Variants in ERBB4 observed in about 807,000 individuals in gnomAD.
ERBB4 encodes the protein receptor tyrosine-protein kinase erbB-4.
A neutral mutation model predicts 158.0 loss-of-function variants in ERBB4; 42 were observed. The observed-to-expected ratio is 0.27, with a 90% CI of 0.21 to 0.34. The LOEUF is 0.34. Ranked by LOEUF, ERBB4 falls within the 10% of genes least tolerant of loss-of-function variation. The pLI, the probability that ERBB4 is intolerant of heterozygous loss-of-function variation, is 1.00. For missense variants in ERBB4, 1,333 were observed against 1,624.1 expected, an observed-to-expected ratio of 0.82 and a Z score of 3.08; for synonymous variants, 583 against 558.7, an observed-to-expected ratio of 1.04 and a Z score of -0.61.
chr2:212,237,174 TC>T (rs1183611414), intron 1 of ERBB4, among the ~76,000 whole-genome samples: 3 of 152,220 alleles, frequency 2.0e-5, no homozygotes, highest in Non-Finnish European at 4.4e-5. Flanking sequence ...TTTGGAATTT[TC>T]AGCCTTTCTG....
At position 211,380,366 on chromosome 2, in the gene ERBB4, T is replaced by TGAAAATAGGATC. The variant is rs1553517740; in HGVS notation, c.*3248_*3249insGATCCTATTTTC. Reference sequence around the variant, plus strand: ...TTTAACTGCAAAATTTTTCCATACCTGCCCAAAATAGGTATAATCTACAAA... The same window carrying TGAAAATAGGATC: ...TTTAACTGCAAAATTTTTCCATACCTGAAAATAGGATCGCCCAAAATAGGTATAATCTACAAA... On this transcript the variant is annotated 3_prime_UTR_variant, in exon 28 of 28. Coordinates refer to ENST00000342788, the MANE Select transcript of ERBB4 (RefSeq NM_005235.3). The TGAAAATAGGATC allele has an allele frequency of 3.7e-5, 4 of 108,076 alleles. No individual in the cohort carries two copies. The highest frequency in any genetic ancestry group is 6.8e-5 in the Non-Finnish European group (4 of 58,608). 6.7% of individuals were successfully genotyped at this position (108,076 alleles called of 1,614,324 possible).
chr2:212,446,053 T>C (rs1360781614), intron 1 of ERBB4, among the ~76,000 whole-genome samples: 1 of 152,210 alleles, frequency 6.6e-6, no homozygotes, highest in African/African-American at 2.4e-5. Context: ...TATGTAATAG[T>C]ATTTGAGTTG....
intron 1 of ERBB4, among the ~76,000 whole-genome samples, chr2:212,146,179 A>T (rs1013195808): frequency 6.6e-6 from 1 of 152,170 alleles, no homozygotes; most frequent in African/African-American, 2.4e-5. Flanking sequence ...AGCTGAGGTA[A>T]TGAATTAAAT....
In ERBB4 at chr2:212,221,470, A is replaced by G. The variant is rs567774736; in HGVS notation, c.83-96567T>C. Among the ~76,000 whole-genome samples, 6 of 151,662 alleles carry G rather than the reference A, an allele frequency of 4.0e-5. No homozygotes were observed. The South Asian group carries it at 1.2e-3, about 31-fold the overall frequency. On this transcript the variant is annotated intron_variant, in intron 1 of 27. Coordinates refer to ENST00000342788, the MANE Select transcript of ERBB4 (RefSeq NM_005235.3). ...GTCACCTAATGGTATGGCAGCAGTC[A>G]GGTTTGGGAATACAGACATCTCACT... is the stretch of plus-strand genomic sequence containing the variant.
At chr2:211,816,219 A>ACT in intron 3 of ERBB4, among the ~76,000 whole-genome samples, 8 of 152,162 alleles carry the variant, frequency 5.3e-5, no homozygotes, top group African/African-American at 1.7e-4. Flanking sequence ...AAGTATATTT[A>ACT]GCTGTTAATA....
chr2:211,543,890 T>C (rs963552136), intron 20 of ERBB4, among the ~76,000 whole-genome samples: 1 of 151,960 alleles, frequency 6.6e-6, no homozygotes, highest in Non-Finnish European at 1.5e-5. Flanking sequence ...ACTACCTCTA[T>C]CTCAATGATT....
chr2:211,533,113 T>A (rs906822111), intron 20 of ERBB4, among the ~76,000 whole-genome samples: 2 of 151,902 alleles, frequency 1.3e-5, no homozygotes. Flanking sequence ...TCATTTTGTA[T>A]GTTACATGAT....
intron 17 of ERBB4, among the ~76,000 whole-genome samples, chr2:211,629,778 C>G (rs6758337): frequency 0.16 from 24,889 of 151,386 alleles, 2,787 homozygotes; most frequent in East Asian, 0.54. Context: ...ACAAACCTGA[C>G]AAAAACAAGA....
At chr2:211,716,867 T>C (rs923453858) in intron 7 of ERBB4, among the ~76,000 whole-genome samples, 2 of 151,158 alleles carry the variant, frequency 1.3e-5, no homozygotes, top group South Asian at 2.1e-4. Context: ...TAGTTTGAGA[T>C]ACACAAACTA....
At chr2:211,598,787 T>A (rs1463326894) in intron 19 of ERBB4, among the ~76,000 whole-genome samples, 2 of 152,238 alleles carry the variant, frequency 1.3e-5, no homozygotes, top group African/African-American at 2.4e-5. Context: ...GTACACCATG[T>A]ACTAGGAAAA....
chr2:211,756,306 G>T (rs533953873), intron 4 of ERBB4, among the ~76,000 whole-genome samples: 55 of 152,260 alleles, frequency 3.6e-4, no homozygotes, highest in Non-Finnish European at 7.1e-4. Flanking sequence ...AATCTAGTTT[G>T]TCCAGCAGTA....
chr2:212,448,445 C>T (rs1403212551), intron 1 of ERBB4, among the ~76,000 whole-genome samples: 1 of 152,116 alleles, frequency 6.6e-6, no homozygotes, highest in Non-Finnish European at 1.5e-5. Flanking sequence ...TCTACAAATC[C>T]AAAGAACAAA....
chr2:211,604,353 C>T lies in ERBB4; in HGVS notation c.2301+14824G>A, dbSNP rs184017909. Among the ~76,000 whole-genome samples the T allele has an allele frequency of 9.8e-5, 15 of 152,296 alleles. 1 individual carries two copies. The East Asian group carries it at 2.7e-3, about 27-fold the overall frequency. On this transcript the variant is annotated intron_variant, in intron 19 of 27. Transcript: ENST00000342788. ...GTGAAACTGATTTTGTTCTTACTTACATTTAAATTTCACCTTGAAATTATG... is the reference window on the plus strand; with the variant it reads ...GTGAAACTGATTTTGTTCTTACTTATATTTAAATTTCACCTTGAAATTATG...
intron 1 of ERBB4, among the ~76,000 whole-genome samples, chr2:212,217,525 A>T (rs2083139213): frequency 6.6e-6 from 1 of 151,270 alleles, no homozygotes; most frequent in Admixed American, 6.6e-5. Context: ...TTAGTATAAG[A>T]AGCTATGTCT....
intron 16 of ERBB4, among the ~76,000 whole-genome samples, chr2:211,639,862 C>T (rs1298973427): frequency 2.0e-5 from 3 of 152,132 alleles, no homozygotes; most frequent in East Asian, 3.9e-4. Flanking sequence ...GCTGAGATTA[C>T]AGGCACCCCC....
At chr2:211,587,972 AGG>A (rs1334514440) in intron 19 of ERBB4, among the ~76,000 whole-genome samples, 115 of 152,332 alleles carry the variant, frequency 7.5e-4, no homozygotes, top group Non-Finnish European at 5.4e-4. Context: ...TCTAGCAATA[AGG>A]ACAAATTAAG....
chr2:211,795,734 C>G (rs2076370043), intron 3 of ERBB4, among the ~76,000 whole-genome samples: 1 of 151,462 alleles, frequency 6.6e-6, no homozygotes, highest in African/African-American at 2.4e-5. Flanking sequence ...ATGAAAATTC[C>G]TGCAAATTGC....
intron 2 of ERBB4, among the ~76,000 whole-genome samples, chr2:211,978,608 A>G (rs2081699836): frequency 6.6e-6 from 1 of 152,136 alleles, no homozygotes; most frequent in Non-Finnish European, 1.5e-5. Flanking sequence ...GAGTCTTTAA[A>G]TGACTATCTT....
chr2:211,674,911 A>G (rs950013258), intron 13 of ERBB4, among the ~76,000 whole-genome samples: 12 of 152,010 alleles, frequency 7.9e-5, no homozygotes, highest in Non-Finnish European at 1.8e-4. Context: ...CTTCTCCAAA[A>G]CCCACTTCCC....
Sources: gnomAD v4.1 joint callset for allele counts (sites outside exome capture counted in the v4.1 genomes callset) on GRCh38, gnomAD v4.1.1 for gene constraint, MANE v1.5 for transcripts, NCBI Gene and HGNC (gene_info 2026-07-23, HGNC 2026-07-21) for gene names.